CADPS: variants seen among roughly 807,000 people sequenced by gnomAD.
CADPS encodes calcium-dependent secretion activator 1.
In CADPS, 57 loss-of-function variants were observed where a neutral mutation model predicts 167.3. The observed-to-expected ratio is 0.34, with a 90% confidence interval of 0.28 to 0.42. CADPS has a LOEUF of 0.42. Among genes scored for constraint, CADPS ranks in the 20% least tolerant of loss-of-function variants. CADPS has a pLI of 1.00. For synonymous variants in CADPS, 676 were observed against 635.3 expected, an observed-to-expected ratio of 1.06 and a Z score of -0.96; for missense variants, 1,414 against 1,738.1, an observed-to-expected ratio of 0.81 and a Z score of 3.32.
chr3:62,531,128 G>A (rs540436315), intron 13 of CADPS, among the ~76,000 whole-genome samples: 1 of 152,014 alleles, frequency 6.6e-6, no homozygotes, highest in South Asian at 2.1e-4. Context: ...TGTTTACCAG[G>A]GAGTTTACAA....
chr3:62,592,629 G>A lies in CADPS; in HGVS notation c.1437+8C>T. On this transcript the variant is annotated splice_region_variant and intron_variant, in intron 7 of 29. Transcript: ENST00000383710. ...TGTGGAGTTCCCCTTGTGATAAGAA[G>A]TGCTTACCCGCCCAAGCTCCTTGTC... 3 of 1,608,244 alleles carry A rather than the reference G, an allele frequency of 1.9e-6. No homozygotes were observed. Among genetic ancestry groups the A allele is most frequent in the South Asian group, 1.1e-5 (1 of 90,948 alleles).
At chr3:62,630,860 T>C (rs1201292254) in intron 6 of CADPS, among the ~76,000 whole-genome samples, 4 of 152,154 alleles carry the variant, frequency 2.6e-5, no homozygotes, top group African/African-American at 9.7e-5. Context: ...TTAAGAGACT[T>C]GTGGTTTCAG....
At chr3:62,509,282 ACT>A (rs1397116071) in intron 17 of CADPS, among the ~76,000 whole-genome samples, 3 of 130,562 alleles carry the variant, frequency 2.3e-5, no homozygotes, top group Admixed American at 8.3e-5. Flanking sequence ...CTAAAGCAAG[ACT>A]CTGTCTCAAA....
In CADPS at chr3:62,524,914, T is replaced by C. The variant is rs370759328; in HGVS notation, c.2292-6664A>G. 6.0e-4 allele frequency among the ~76,000 whole-genome samples: 92 copies of C among 152,338 alleles called. 2 individuals are homozygous for C. In the East Asian group the frequency reaches 0.016, roughly 26 times the overall value. ...CTTTGAGGAATAAGGGATGTGTTTC[T>C]TTATTTCTAGACAAATACAGACAAC... On this transcript the variant is annotated intron_variant, in intron 13 of 29. Coordinates refer to ENST00000383710, the MANE Select transcript of CADPS (RefSeq NM_003716.4).
chr3:62,616,594 C>T (rs181410206), intron 6 of CADPS, among the ~76,000 whole-genome samples: 7 of 152,232 alleles, frequency 4.6e-5, no homozygotes, highest in South Asian at 2.1e-4. Context: ...TCTGTAATCA[C>T]GTTACAGCAC....
intron 6 of CADPS, among the ~76,000 whole-genome samples, chr3:62,599,823 AT>A (rs1474784028): frequency 0.032 from 223 of 7,014 alleles, 7 homozygotes; most frequent in African/African-American, 0.072. Flanking sequence ...TATATTATAT[AT>A]TATATATATA....
In CADPS at chr3:62,438,423, A is replaced by G. The variant is rs1412398494; in HGVS notation, c.3670-212T>C. The G allele has an allele frequency of 2.0e-6, 1 of 501,772 alleles. No homozygotes were observed. The highest frequency in any genetic ancestry group is 3.6e-6 in the Non-Finnish European group (1 of 281,314). 31.1% of individuals were successfully genotyped at this position (501,772 alleles called of 1,614,324 possible). A position where few individuals can be genotyped will look rare whatever the true frequency, so the allele number is the denominator to read the frequency against. Reference sequence around the variant, plus strand: ...TTCCAGAAATCAAGCCTGGCTAAGAAGGGCATTGAGATTGTAGGATTTTAT... The same window carrying G: ...TTCCAGAAATCAAGCCTGGCTAAGAGGGGCATTGAGATTGTAGGATTTTAT... On this transcript the variant is annotated intron_variant, in intron 27 of 29. Transcript: ENST00000383710. The surrounding 1 kb of genome is among the most constrained non-coding windows in gnomAD (Gnocchi z 4.7).
chr3:62,605,085 C>T (rs1177624058), intron 6 of CADPS, among the ~76,000 whole-genome samples: 2 of 152,182 alleles, frequency 1.3e-5, no homozygotes, highest in Non-Finnish European at 2.9e-5. Context: ...TGCCTTAAGA[C>T]ACCTTACAGG....
rs539134129 is a variant in CADPS, at chr3:62,510,096, C to T, written c.2599+2655G>A. Among the ~76,000 whole-genome samples the T allele has an allele frequency of 2.6e-5, 4 of 152,186 alleles. No individual in the cohort carries two copies. The South Asian group carries it at 8.3e-4, about 32-fold the overall frequency. On this transcript the variant is annotated intron_variant, in intron 17 of 29. Transcript: ENST00000383710. Reference sequence around the variant, plus strand: ...CTTCTCTCTTTCTCTCCCCACCTACCCATCATTCATCCATCCACCCACCCA... The same window carrying T: ...CTTCTCTCTTTCTCTCCCCACCTACTCATCATTCATCCATCCACCCACCCA...
chr3:62,662,636 T>G (rs144143315), intron 3 of CADPS, among the ~76,000 whole-genome samples: 14 of 152,248 alleles, frequency 9.2e-5, no homozygotes, highest in African/African-American at 3.4e-4. Flanking sequence ...GAATCATCAA[T>G]CTCTTCTGAA....
At chr3:62,868,204 A>G (rs1194224123) in intron 1 of CADPS, among the ~76,000 whole-genome samples, 1 of 152,096 alleles carries the variant, frequency 6.6e-6, no homozygotes, top group Non-Finnish European at 1.5e-5. Flanking sequence ...AAGACAGGGA[A>G]CACACAGTTC....
rs1374319510 is a variant in CADPS, at chr3:62,417,034, C to T, written c.3778-13849G>A. ...CCAAGTAGCTGGGACTACAGGCGTGCACCACCGTGCCCAGCTAAGCATACA... is the reference window on the plus strand; with the variant it reads ...CCAAGTAGCTGGGACTACAGGCGTGTACCACCGTGCCCAGCTAAGCATACA... On this transcript the variant is annotated intron_variant, in intron 28 of 29. Coordinates refer to ENST00000383710, the MANE Select transcript of CADPS (RefSeq NM_003716.4). 3.3e-5 allele frequency among the ~76,000 whole-genome samples: 5 copies of T among 151,948 alleles called. No homozygotes were observed. The East Asian group carries it at 5.9e-4, about 18-fold the overall frequency.
chr3:62,503,014 C>T (rs780120964), intron 17 of CADPS, among the ~76,000 whole-genome samples: 3 of 151,926 alleles, frequency 2.0e-5, no homozygotes, highest in Non-Finnish European at 4.4e-5. Context: ...AGAGGTGTGA[C>T]ATTGTTTGAC....
At chr3:62,686,693 A>G (rs1250624943) in intron 3 of CADPS, among the ~76,000 whole-genome samples, 2 of 151,996 alleles carry the variant, frequency 1.3e-5, no homozygotes, top group African/African-American at 4.8e-5. Context: ...CTGTTTATGG[A>G]ATATATTTCG....
At chr3:62,692,716 T>G (rs768123821) in intron 3 of CADPS, among the ~76,000 whole-genome samples, 1 of 152,098 alleles carries the variant, frequency 6.6e-6, no homozygotes, top group African/African-American at 2.4e-5. Context: ...CTGGTCTCTC[T>G]GCTTTGATGC....
intron 1 of CADPS, among the ~76,000 whole-genome samples, chr3:62,841,585 C>T (rs2076655431): frequency 1.3e-5 from 2 of 152,138 alleles, no homozygotes; most frequent in African/African-American, 4.8e-5. Context: ...GGCGTGGTGG[C>T]ATGTGCCTGT....
intron 19 of CADPS, among the ~76,000 whole-genome samples, chr3:62,493,198 A>G (rs548221621): frequency 6.6e-6 from 1 of 152,290 alleles, no homozygotes; most frequent in South Asian, 2.1e-4. Context: ...GCCCTTGGAA[A>G]TCATTGTGCA....
In CADPS at chr3:62,446,421, T is replaced by TGA. The variant is rs1340504593; in HGVS notation, c.3637-625_3637-624insTC. 2.0e-5 allele frequency among the ~76,000 whole-genome samples: 3 copies of TGA among 152,182 alleles called. No homozygotes were observed. In the East Asian group the frequency reaches 5.8e-4, roughly 29 times the overall value. ...TTTTTAGTTTTGTGGGGAGGGAGTATGGTAGCGTGCTAGAGTGTTATGTTT... is the reference window on the plus strand; with the variant it reads ...TTTTTAGTTTTGTGGGGAGGGAGTATGAGGTAGCGTGCTAGAGTGTTATGTTT... On this transcript the variant is annotated intron_variant, in intron 26 of 29. Coordinates refer to ENST00000383710, the MANE Select transcript of CADPS (RefSeq NM_003716.4). The surrounding 1 kb of genome is among the most constrained non-coding windows in gnomAD (Gnocchi z 4.9).
At chr3:62,746,450 C>T (rs1051887015) in intron 3 of CADPS, among the ~76,000 whole-genome samples, 3 of 152,130 alleles carry the variant, frequency 2.0e-5, no homozygotes, top group Non-Finnish European at 2.9e-5. Flanking sequence ...ATTCTCCCAC[C>T]TTGGCCCCTC....
Sources: allele counts gnomAD v4.1 joint callset (sites outside exome capture counted in the v4.1 genomes callset), GRCh38; gene constraint gnomAD v4.1.1; non-coding constraint Gnocchi (gnomAD v3.1); transcripts MANE v1.5; gene names NCBI Gene and HGNC (gene_info 2026-07-23, HGNC 2026-07-21).